The following LINGO1 variants were observed in gnomAD, a reference collection of about 807,000 sequenced individuals.
LINGO1 encodes leucine-rich repeat and immunoglobulin-like domain-containing nogo receptor-interacting protein 1.
Under a neutral mutation model 37.3 loss-of-function variants are expected in LINGO1, and 11 were observed. That is an observed-to-expected ratio of 0.29 (90% CI 0.19 to 0.49). The LOEUF (loss-of-function observed/expected upper bound fraction) is 0.49. LINGO1 is among the 20% of genes least tolerant of loss of function. The probability of loss-of-function intolerance (pLI) is 0.99; values close to 1 mark genes in which losing one functional copy is unlikely to be tolerated. For synonymous variants in LINGO1, 387 were observed against 403.0 expected (o/e 0.96, Z 0.48); for missense variants, 585 against 878.2 (o/e 0.67, Z 4.22).
chr15:77,788,940 T>G (rs1044739144), upstream of LINGO1, among the ~76,000 whole-genome samples: 1 of 152,186 alleles, frequency 6.6e-6, no homozygotes, highest in African/African-American at 2.4e-5. Context: ...TGGGCCCCGA[T>G]TAACATCCCA....
intron 2 of LINGO1, among the ~76,000 whole-genome samples, chr15:77,712,097 T>G (rs2075925276): frequency 6.6e-6 from 1 of 152,166 alleles, no homozygotes; most frequent in South Asian, 2.1e-4. Flanking sequence ...CTCCTGTCTG[T>G]CCTGCCCTGC....
At chr15:77,758,570 G>C (rs2076443423) in intron 1 of LINGO1, among the ~76,000 whole-genome samples, 1 of 152,190 alleles carries the variant, frequency 6.6e-6, no homozygotes, top group South Asian at 2.1e-4. Context: ...CCAGGCTTGA[G>C]TTTGGGCCAG....
At chr15:77,798,886 A>C in intron 1 of LINGO1, among the ~76,000 whole-genome samples, 1 of 152,210 alleles carries the variant, frequency 6.6e-6, no homozygotes, top group Admixed American at 6.5e-5. Flanking sequence ...TGGGTTCAGC[A>C]CTGAGTGGGG....
At chr15:77,788,781 C>T (rs908507217), upstream of LINGO1, 12 of 152,222 alleles carry the variant, frequency 7.9e-5, no homozygotes, top group African/African-American at 2.9e-4. Flanking sequence ...GACCAAGGCC[C>T]AGAAGTCGAA....
chr15:77,761,776 C>T (rs980117446), intron 1 of LINGO1, among the ~76,000 whole-genome samples: 1 of 152,224 alleles, frequency 6.6e-6, no homozygotes, highest in Non-Finnish European at 1.5e-5. Context: ...AGCCTCTCTG[C>T]AAGGCTCTCC....
At chr15:77,716,984 G>C (rs186322780) in intron 2 of LINGO1, among the ~76,000 whole-genome samples, 1 of 150,386 alleles carries the variant, frequency 6.6e-6, no homozygotes, top group Non-Finnish European at 1.5e-5. Flanking sequence ...AAAAAGAGAA[G>C]AGAAAACAAT....
intron 2 of LINGO1, among the ~76,000 whole-genome samples, chr15:77,684,780 C>T (rs2075474805): frequency 6.6e-6 from 1 of 152,184 alleles, no homozygotes; most frequent in Non-Finnish European, 1.5e-5. Context: ...CAGTGACCTC[C>T]CATGCACCTA....
chr15:77,759,681 C>T lies in LINGO1; in HGVS notation c.-256-24628G>A, dbSNP rs529995766. On this transcript the variant is annotated intron_variant, in intron 1 of 3. Coordinates refer to the LINGO1 transcript ENST00000561686. ...CATGCCCAGCTGAGAAAGGAGACCA[C>T]ATTAGACAGTGACGCACTGGAGCCG... 1.4e-4 allele frequency among the ~76,000 whole-genome samples: 22 copies of T among 152,348 alleles called. No individual in the cohort carries two copies. The South Asian group carries it at 4.6e-3, about 32-fold the overall frequency.
At chr15:77,759,885 C>A (rs1360366310) in intron 1 of LINGO1, among the ~76,000 whole-genome samples, 1 of 152,228 alleles carries the variant, frequency 6.6e-6, no homozygotes, top group African/African-American at 2.4e-5. Flanking sequence ...CTGCCCTGGC[C>A]ACGGCCGTGG....
intron 1 of LINGO1, among the ~76,000 whole-genome samples, chr15:77,627,041 A>G (rs2074115693): frequency 6.8e-6 from 1 of 148,088 alleles, no homozygotes; most frequent in Non-Finnish European, 1.5e-5. Context: ...CAGAGGCGAG[A>G]GCAGGTTCTC....
chr15:77,704,454 G>A (rs2075823868), intron 2 of LINGO1, among the ~76,000 whole-genome samples: 2 of 150,818 alleles, frequency 1.3e-5, no homozygotes, highest in Non-Finnish European at 1.5e-5. Flanking sequence ...CAGACACTGA[G>A]TCCCGACTCT....
intron 2 of LINGO1, among the ~76,000 whole-genome samples, chr15:77,733,620 G>C (rs768017945): frequency 5.3e-5 from 8 of 152,182 alleles, no homozygotes; most frequent in African/African-American, 1.9e-4. Flanking sequence ...GCCTCAGGAA[G>C]GGAACAAAGT....
chr15:77,721,994 C>T (rs532572107), intron 2 of LINGO1, among the ~76,000 whole-genome samples: 1 of 152,284 alleles, frequency 6.6e-6, no homozygotes, highest in East Asian at 1.9e-4. Context: ...TGCTCACCTT[C>T]CGAGGCTGCC....
chr15:77,630,027 A>G (rs1430251584), intron 1 of LINGO1, among the ~76,000 whole-genome samples: 1 of 152,164 alleles, frequency 6.6e-6, no homozygotes, highest in Non-Finnish European at 1.5e-5. Context: ...TGGTGGAAAC[A>G]GAACAGAAAG....
chr15:77,776,522 G>GGAAGGCAGGAAAGCAGGAAGGC (rs2076651152), intron 1 of LINGO1, among the ~76,000 whole-genome samples: 5 of 52,484 alleles, frequency 9.5e-5, no homozygotes, highest in African/African-American at 3.6e-4. Context: ...GGCAGGAAGG[G>GGAAGGCAGGAAAGCAGGAAGGC]AGGAAGGGAG....
chr15:77,752,861 A>G (rs987366392), intron 1 of LINGO1, among the ~76,000 whole-genome samples: 2 of 152,118 alleles, frequency 1.3e-5, no homozygotes, highest in Admixed American at 1.3e-4. Flanking sequence ...ACTTCTCACC[A>G]TCACTCATAC....
At chr15:77,799,885 T>C (rs1389258217) in intron 1 of LINGO1, among the ~76,000 whole-genome samples, 1 of 152,100 alleles carries the variant, frequency 6.6e-6, no homozygotes, top group Non-Finnish European at 1.5e-5. Flanking sequence ...ACCCGCCAGC[T>C]GTGTGTGTGC....
intron 3 of LINGO1, chr15:77,642,086 C>A: frequency 2.4e-6 from 1 of 421,504 alleles, no homozygotes; most frequent in Non-Finnish European, 4.8e-6. Context: ...ACAGTAGGCC[C>A]TCATAAATGG....
intron 1 of LINGO1, among the ~76,000 whole-genome samples, chr15:77,763,347 G>A (rs2141387221): frequency 6.6e-6 from 1 of 152,218 alleles, no homozygotes; most frequent in African/African-American, 2.4e-5. Context: ...AAGTGAGAAG[G>A]GGTTGGGGAT....
Sources: gnomAD v4.1 joint callset for allele counts (sites outside exome capture counted in the v4.1 genomes callset) on GRCh38, gnomAD v4.1.1 for gene constraint, MANE v1.5 for transcripts, NCBI Gene and HGNC (gene_info 2026-07-23, HGNC 2026-07-21) for gene names.